Variants in TUT4 observed in about 807,000 individuals in gnomAD.
TUT4 encodes the protein terminal uridylyltransferase 4.
In TUT4, 36 loss-of-function variants were observed where a neutral mutation model predicts 192.2. The ratio of observed to expected loss-of-function variants is 0.19; its 90% CI spans 0.14 to 0.25. TUT4 has a LOEUF of 0.25. Ranked by LOEUF, TUT4 falls within the 10% of genes least tolerant of loss-of-function variation. The probability of loss-of-function intolerance (pLI) is 1.00; values close to 1 mark genes in which losing one functional copy is unlikely to be tolerated. For synonymous variants in TUT4, 618 were observed against 666.0 expected (o/e 0.93, Z 1.11); for missense variants, 1,493 against 1,957.2 (o/e 0.76, Z 4.47).
intron 20 of TUT4, among the ~76,000 whole-genome samples, chr1:52,457,989 G>A (rs1321540204): frequency 6.6e-6 from 1 of 152,142 alleles, no homozygotes; most frequent in East Asian, 1.9e-4. Flanking sequence ...ATTCTAGAAA[G>A]AAGAAACTTA....
At chr1:52,478,726 C>T (rs967982666) in intron 11 of TUT4, among the ~76,000 whole-genome samples, 3 of 152,158 alleles carry the variant, frequency 2.0e-5, no homozygotes, top group African/African-American at 7.2e-5. Flanking sequence ...GAGGTAACAC[C>T]TGAATTCCAA....
intron 4 of TUT4, among the ~76,000 whole-genome samples, chr1:52,502,617 T>TG: frequency 7.3e-6 from 1 of 137,744 alleles, no homozygotes; most frequent in East Asian, 2.1e-4. Context: ...CTCTTTTTTT[T>TG]TTTTTTTTTT....
At chr1:52,495,350 C>A in intron 6 of TUT4, 77 bp downstream of exon 6, 2 of 890,040 alleles carry the variant, frequency 2.2e-6, no homozygotes, top group Non-Finnish European at 1.7e-6. Flanking sequence ...TTTCCCTATC[C>A]TTTCTCTACA....
intron 9 of TUT4, among the ~76,000 whole-genome samples, chr1:52,486,087 T>C (rs907300281): frequency 5.3e-5 from 8 of 152,138 alleles, no homozygotes; most frequent in Non-Finnish European, 1.2e-4. Flanking sequence ...AAGGGTAAAC[T>C]GCCTAATGAA....
chr1:52,450,723 A>G (rs1014459872), intron 20 of TUT4, among the ~76,000 whole-genome samples: 1 of 152,160 alleles, frequency 6.6e-6, no homozygotes, highest in Non-Finnish European at 1.5e-5. Flanking sequence ...GTTAAGGCCA[A>G]AATGTTAGAA....
chr1:52,493,498 T>C, intron 7 of TUT4, 113 bp downstream of exon 7: 1 of 684,914 alleles, frequency 1.5e-6, no homozygotes, highest in Non-Finnish European at 2.5e-6. Flanking sequence ...ATGCAATGAC[T>C]CAACTATGCC....
intron 29 of TUT4, 52 bp downstream of exon 29, chr1:52,425,297 T>C: frequency 1.3e-6 from 2 of 1,574,960 alleles, no homozygotes; most frequent in South Asian, 2.3e-5. Flanking sequence ...AGGCTCTCTA[T>C]CCCAGAATAA....
chr1:52,512,171 ATCT>A (rs1178062333), intron 3 of TUT4, among the ~76,000 whole-genome samples: 2 of 152,230 alleles, frequency 1.3e-5, no homozygotes, highest in African/African-American at 2.4e-5. Flanking sequence ...ATCAGAGGAC[ATCT>A]CAACTGACCT....
intron 4 of TUT4, among the ~76,000 whole-genome samples, chr1:52,498,901 ATTATATATAT>A (rs1557858634): frequency 1.4e-5 from 1 of 73,324 alleles, no homozygotes; most frequent in African/African-American, 5.6e-5. Flanking sequence ...AAAAAAAAAA[ATTATATATAT>A]ATATATATAT....
chr1:52,496,973 A>G, intron 5 of TUT4, 33 bp downstream of exon 5: 2 of 1,600,150 alleles, frequency 1.2e-6, no homozygotes, highest in East Asian at 4.5e-5. Context: ...GAGTTTTGTG[A>G]TTTTCAAAAT....
intron 1 of TUT4, among the ~76,000 whole-genome samples, chr1:52,539,954 C>T (rs1462865976): frequency 6.6e-6 from 1 of 150,500 alleles, no homozygotes; most frequent in East Asian, 1.9e-4. Flanking sequence ...ACTACAGGCT[C>T]ACACCTGTAA....
chr1:52,520,952 C>T (rs1397583655), intron 2 of TUT4, among the ~76,000 whole-genome samples: 1 of 152,114 alleles, frequency 6.6e-6, no homozygotes, highest in Non-Finnish European at 1.5e-5. Flanking sequence ...GCCACCATAC[C>T]TGGCTAGTTT....
intron 1 of TUT4, among the ~76,000 whole-genome samples, chr1:52,545,087 G>A (rs553376091): frequency 6.7e-6 from 1 of 149,028 alleles, no homozygotes; most frequent in East Asian, 2.0e-4. Context: ...AAAAGAAACA[G>A]AGTAAAGGCC....
At chr1:52,515,689 T>G (rs1678535621) in intron 3 of TUT4, 2 of 656,318 alleles carry the variant, frequency 3.0e-6, no homozygotes, top group Non-Finnish European at 5.3e-6. Flanking sequence ...GAAGTCAGAC[T>G]CACAGATAAT....
At chr1:52,536,608 T>C (rs1378244126) in intron 1 of TUT4, among the ~76,000 whole-genome samples, 1 of 151,940 alleles carries the variant, frequency 6.6e-6, no homozygotes, top group Non-Finnish European at 1.5e-5. Flanking sequence ...ATCCCAGCAC[T>C]TTGGGAGGCC....
chr1:52,471,870 AAACT>A (rs540140012), intron 14 of TUT4, 78 bp downstream of exon 14: 66 of 1,433,634 alleles, frequency 4.6e-5, no homozygotes, highest in Non-Finnish European at 6.1e-5. Flanking sequence ...AAACGTAAAC[AAACT>A]GTTTTTAAAT....
chr1:52,480,417 G>A (rs75306729), intron 11 of TUT4, among the ~76,000 whole-genome samples: 1,826 of 152,312 alleles, frequency 0.012, 48 homozygotes, highest in African/African-American at 0.043. Flanking sequence ...GGAGGTTACT[G>A]ACATTGATGA....
intron 4 of TUT4, among the ~76,000 whole-genome samples, chr1:52,498,240 C>CTTTT (rs556089149): frequency 5.9e-4 from 71 of 119,406 alleles, no homozygotes; most frequent in East Asian, 1.5e-3. Context: ...AGTTTCAGTA[C>CTTTT]TTTTTTTTTT....
chr1:52,479,195 G>C (rs879554660), intron 11 of TUT4, among the ~76,000 whole-genome samples: 24 of 152,026 alleles, frequency 1.6e-4, no homozygotes, highest in Non-Finnish European at 2.9e-4. Context: ...TAGAGTGAGA[G>C]GAAGAGTAGA....
Sources: allele counts gnomAD v4.1 joint callset (sites outside exome capture counted in the v4.1 genomes callset), GRCh38; gene constraint gnomAD v4.1.1; transcripts MANE v1.5; gene names NCBI Gene and HGNC (gene_info 2026-07-23, HGNC 2026-07-21).